The following RHEX variants were observed in gnomAD, a reference collection of about 807,000 sequenced individuals.
RHEX encodes regulator of hemoglobinization and erythroid cell expansion protein.
A neutral mutation model predicts 20.1 loss-of-function variants in RHEX; 18 were observed. The ratio of observed to expected loss-of-function variants is 0.90; its 90% CI spans 0.62 to 1.33. The LOEUF (loss-of-function observed/expected upper bound fraction) is 1.33, where lower values mean the gene tolerates loss of function less well. Ranked by LOEUF, RHEX falls within the 40% of genes most tolerant of loss-of-function variation. The pLI, the probability that RHEX is intolerant of heterozygous loss-of-function variation, is 0.00. For missense variants in RHEX, 192 were observed against 214.3 expected, an observed-to-expected ratio of 0.90 and a Z score of 0.65; for synonymous variants, 87 against 77.1, an observed-to-expected ratio of 1.13 and a Z score of -0.67.
chr1:206,082,184 G>GC (rs1329657033), intron 1 of RHEX, among the ~76,000 whole-genome samples: 3 of 152,172 alleles, frequency 2.0e-5, no homozygotes, highest in Non-Finnish European at 4.4e-5. Context: ...AAGGGACTCA[G>GC]CCCAAGGGGT....
At chr1:206,086,230 A>C (rs548712693) in intron 1 of RHEX, among the ~76,000 whole-genome samples, 6 of 152,334 alleles carry the variant, frequency 3.9e-5, no homozygotes, top group African/African-American at 1.4e-4. Context: ...TGTTCTTACA[A>C]GGCCTTATGG....
At chr1:206,081,660 C>T (rs1662739000) in intron 1 of RHEX, among the ~76,000 whole-genome samples, 1 of 152,194 alleles carries the variant, frequency 6.6e-6, no homozygotes, top group African/African-American at 2.4e-5. Flanking sequence ...GCATCATTGT[C>T]CTTAATCAAC....
intron 1 of RHEX, among the ~76,000 whole-genome samples, chr1:206,065,066 T>G (rs1450927477): frequency 6.6e-6 from 1 of 152,104 alleles, no homozygotes; most frequent in African/African-American, 2.4e-5. Flanking sequence ...GTTAAACAGA[T>G]GCTTGAAGGC....
At chr1:206,070,306 C>T (rs1266567619) in intron 1 of RHEX, among the ~76,000 whole-genome samples, 4 of 152,188 alleles carry the variant, frequency 2.6e-5, no homozygotes, top group African/African-American at 9.7e-5. Flanking sequence ...CTCAGAGGAG[C>T]TGCTGAGTGC....
intron 1 of RHEX, chr1:206,062,124 CA>C (rs1390674934): frequency 6.6e-6 from 1 of 152,354 alleles, no homozygotes; most frequent in Non-Finnish European, 1.5e-5. Flanking sequence ...GCAGGAGAAT[CA>C]CTTGAACCCA....
chr1:206,061,474 G>A (rs1317315554), intron 1 of RHEX: 11 of 152,308 alleles, frequency 7.2e-5, no homozygotes, highest in African/African-American at 2.7e-4. Flanking sequence ...ACCCCACACA[G>A]AGGGTGGTGG....
chr1:206,097,261 A>T (rs1663091444), intron 1 of RHEX, among the ~76,000 whole-genome samples: 2 of 152,104 alleles, frequency 1.3e-5, no homozygotes, highest in African/African-American at 4.8e-5. Flanking sequence ...AGCCCTCCTT[A>T]CCAGCAACTA....
At chr1:206,082,557 A>G (rs545015785) in intron 1 of RHEX, among the ~76,000 whole-genome samples, 9 of 152,222 alleles carry the variant, frequency 5.9e-5, no homozygotes, top group Middle Eastern at 3.4e-3. Flanking sequence ...TCTGTTGTTC[A>G]CTACAGAAAG....
intron 1 of RHEX, among the ~76,000 whole-genome samples, chr1:206,094,782 C>T (rs555115286): frequency 6.6e-6 from 1 of 152,156 alleles, no homozygotes; most frequent in Admixed American, 6.5e-5. Context: ...CTCCCGGCCT[C>T]GGTGATCCTT....
intron 1 of RHEX, among the ~76,000 whole-genome samples, chr1:206,076,888 A>G (rs993365856): frequency 6.6e-6 from 1 of 152,200 alleles, no homozygotes; most frequent in Non-Finnish European, 1.5e-5. Context: ...GGTTTTGTGT[A>G]TTACATGTCA....
At chr1:206,078,027 C>T (rs1662667567) in intron 1 of RHEX, among the ~76,000 whole-genome samples, 1 of 152,136 alleles carries the variant, frequency 6.6e-6, no homozygotes, top group African/African-American at 2.4e-5. Flanking sequence ...TTGTTTCATG[C>T]ACAAAATTAT....
At chr1:206,095,555 G>A (rs903563357) in intron 1 of RHEX, among the ~76,000 whole-genome samples, 12 of 152,206 alleles carry the variant, frequency 7.9e-5, no homozygotes, top group Admixed American at 5.9e-4. Context: ...GGTGGCTCAC[G>A]CCTGTAATCC....
At chr1:206,084,474 G>A (rs1046389535) in intron 1 of RHEX, among the ~76,000 whole-genome samples, 36 of 152,262 alleles carry the variant, frequency 2.4e-4, no homozygotes, top group African/African-American at 8.4e-4. Context: ...GGTGTTAAGG[G>A]ACTTGACTGA....
intron 1 of RHEX, among the ~76,000 whole-genome samples, chr1:206,084,326 C>T (rs782553645): frequency 6.6e-5 from 10 of 152,084 alleles, no homozygotes; most frequent in South Asian, 2.1e-4. Flanking sequence ...CAGAAACAGT[C>T]GACCCTTATA....
At chr1:206,099,177 C>T (rs559968955) in intron 3 of RHEX, among the ~76,000 whole-genome samples, 1 of 152,108 alleles carries the variant, frequency 6.6e-6, no homozygotes, top group Non-Finnish European at 1.5e-5. Context: ...TGGCTTTTTC[C>T]AAGTGAGGCG....
chr1:206,065,240 C>A (rs1300652748), intron 1 of RHEX, among the ~76,000 whole-genome samples: 1 of 151,802 alleles, frequency 6.6e-6, no homozygotes, highest in African/African-American at 2.4e-5. Context: ...ACTGCCAAAT[C>A]CCCCTCTGTG....
chr1:206,088,582 C>G (rs1306800235), intron 1 of RHEX, among the ~76,000 whole-genome samples: 1 of 152,132 alleles, frequency 6.6e-6, no homozygotes. Context: ...ACTCGGGAGG[C>G]TGAGGCAGTA....
chr1:206,088,986 A>G (rs1553286668), intron 1 of RHEX, among the ~76,000 whole-genome samples: 1 of 151,506 alleles, frequency 6.6e-6, no homozygotes, highest in East Asian at 2.0e-4. Flanking sequence ...GGCCCAGCTA[A>G]TTTTTTAACC....
chr1:206,099,765 A>G lies in RHEX; in HGVS notation c.223A>G (p.Arg75Gly). The G allele has an allele frequency of 6.2e-7, 1 of 1,614,024 alleles. No homozygotes were observed. Among genetic ancestry groups the G allele is most frequent in the Non-Finnish European group, 8.5e-7 (1 of 1,179,904 alleles). Residue 75 changes from arginine to glycine, a missense_variant, in exon 4 of 6, where the codon AGA becomes GGA. By Grantham distance (125) the Arg-to-Gly change is moderately radical. Coordinates refer to ENST00000331555, the MANE Select transcript of RHEX (RefSeq NM_001007544.4). Reference protein sequence around the residue: ...VKEMKETQTERDIPMSDSLYR... With the variant: ...VKEMKETQTEGDIPMSDSLYR... ...AGAGATGAAGGAGACTCAGACAGAG[A>G]GAGACATCCCAATGTCTGATTCCCT...
Sources: allele counts gnomAD v4.1 joint callset (sites outside exome capture counted in the v4.1 genomes callset), GRCh38; gene constraint gnomAD v4.1.1; transcripts MANE v1.5; gene names NCBI Gene and HGNC (gene_info 2026-07-23, HGNC 2026-07-21).